Variants in SMARCA4 observed in about 807,000 individuals in gnomAD.
SMARCA4 encodes the protein SWI/SNF-related matrix-associated actin-dependent regulator of chromatin subfamily A member 4.
In SMARCA4, 31 loss-of-function variants were observed where a neutral mutation model predicts 193.9. The observed-to-expected ratio is 0.16, with a 90% CI of 0.12 to 0.22. The LOEUF (loss-of-function observed/expected upper bound fraction) is 0.22. Ranked by LOEUF, SMARCA4 falls within the 10% of genes least tolerant of loss-of-function variation. The pLI is 1.00. For missense variants in SMARCA4, 1,148 were observed against 2,296.0 expected (o/e 0.50, Z 10.22); for synonymous variants, 942 against 933.1 (o/e 1.01, Z -0.17).
At chr19:11,043,220 C>T (rs2075720097) in intron 30 of SMARCA4, among the ~76,000 whole-genome samples, 1 of 151,662 alleles carries the variant, frequency 6.6e-6, no homozygotes, top group Non-Finnish European at 1.5e-5. Flanking sequence ...AGCTGGGAGG[C>T]GGAGGTTGCA....
At chr19:11,002,800 A>T (rs1250410086) in intron 11 of SMARCA4, among the ~76,000 whole-genome samples, 1 of 67,086 alleles carries the variant, frequency 1.5e-5, no homozygotes, top group East Asian at 3.5e-4. Flanking sequence ...ACTCCGTCTC[A>T]AAAAAAAAAA....
At chr19:10,992,322 G>C (rs2086630279) in intron 8 of SMARCA4, among the ~76,000 whole-genome samples, 1 of 150,726 alleles carries the variant, frequency 6.6e-6, no homozygotes, top group Non-Finnish European at 1.5e-5. Context: ...TCACCATGTT[G>C]GTCAGGCTGG....
chr19:11,034,074 G>A lies in SMARCA4; in HGVS notation c.3874-49G>A, dbSNP rs768614953. On this transcript the variant is annotated intron_variant, in intron 27 of 34. Transcript: ENST00000344626. This position sits in a 1 kb window ranked among gnomAD's most constrained non-coding sequence, Gnocchi z 7.0. Reference sequence around the variant, plus strand: ...CCGCTCGCCTCTGAGCTCGGCCGCCGCCCACCCCGGCCCCTCCTCAGCGGC... The same window carrying A: ...CCGCTCGCCTCTGAGCTCGGCCGCCACCCACCCCGGCCCCTCCTCAGCGGC... 62 of 1,484,950 alleles carry A rather than the reference G, an allele frequency of 4.2e-5. No individual in the cohort carries two copies. Among genetic ancestry groups the A allele is most frequent in the African/African-American group, 8.3e-5 (6 of 72,298 alleles). The allele number at this position is 1,484,950 out of a possible 1,614,324, so 92.0% of individuals were successfully genotyped here.
At position 10,987,647 on chromosome 19, in the gene SMARCA4, G is replaced by GT. The variant is rs768447526; in HGVS notation, c.860-19_860-18insT. 74 of 1,612,760 alleles carry GT rather than the reference G, an allele frequency of 4.6e-5. No individual in the cohort carries two copies. Among genetic ancestry groups the GT allele is most frequent in the Non-Finnish European group, 5.8e-5 (69 of 1,179,714 alleles). On this transcript the variant is annotated intron_variant, in intron 5 of 34. Transcript: ENST00000344626. This position sits in a 1 kb window ranked among gnomAD's most constrained non-coding sequence, Gnocchi z 5.3. ...CCCCAGAGCTCAACATGACGCCCTG[G>GT]CCCCTTGCCTTCTCCCAGGACCCAT...
In SMARCA4 at chr19:10,977,250, C is replaced by T. The variant is rs988451915; in HGVS notation, c.-31-6871C>T. On this transcript the variant is annotated intron_variant, in intron 1 of 34. Coordinates refer to ENST00000344626, the MANE Select transcript of SMARCA4 (RefSeq NM_003072.5). ...GGGAAGCCAGTCTGTTGTTCCTGAG[C>T]ATTGCGGGGCAGGAGTGTTACCTGC... Among the ~76,000 whole-genome samples the T allele has an allele frequency of 7.4e-4, 113 of 152,250 alleles. 2 individuals are homozygous for T. The highest frequency in any genetic ancestry group is 2.6e-3 in the African/African-American group (109 of 41,558).
intron 6 of SMARCA4, 115 bp from the exon 7 acceptor site, chr19:10,989,202 C>G (rs1377782719): frequency 7.6e-7 from 1 of 1,312,960 alleles, no homozygotes; most frequent in Non-Finnish European, 1.1e-6. Context: ...TGAGGCATCT[C>G]TTGCCTCATG....
rs771156293 is a variant in SMARCA4 at position 10,996,245 on chromosome 19, C to T, written c.1626C>T (p.Ile542=). Residue 542 remains isoleucine (I), a synonymous_variant, in exon 10 of 35, where the codon ATC becomes ATT. Coordinates refer to ENST00000344626, the MANE Select transcript of SMARCA4 (RefSeq NM_003072.5). ...ATGAGGAGGGGTACCGCAAGCTCAT[C>T]GACCAGAAGAAGGACAAGCGCCTGG... ...AEDEEGYRKL[I]DQKKDKRLAY... is the part of the protein sequence containing the mutation. 1.7e-5 allele frequency: 28 copies of T among 1,614,210 alleles called. No homozygotes were observed. The highest frequency in any genetic ancestry group is 2.1e-5 in the Non-Finnish European group (25 of 1,180,036).
rs561034617 is a variant in SMARCA4 at position 11,059,839 on chromosome 19, G to C, written c.4722G>C (p.Glu1574Asp). The C allele has an allele frequency of 1.2e-6, 2 of 1,613,950 alleles. No homozygotes were observed. The highest frequency in any genetic ancestry group is 3.3e-5 in the Admixed American group (2 of 60,010). Residue 1574 changes from glutamate to aspartate, a missense_variant, in exon 33 of 35, where the codon GAG becomes GAC. Physicochemically the swap from Glu to Asp is conservative, Grantham distance 45. Around this residue, in one of 17 missense-constraint regions of SMARCA4, gnomAD observed 105 missense variants for 133.7 expected, o/e 0.79. Transcript: ENST00000344626. ...IEKEDDSEGE[E>D]SEEEEEGEEE... ...AGGAGGATGACAGTGAAGGCGAGGA[G>C]AGTGAGGAGGAGGAAGAGGGCGAGG...
intron 8 of SMARCA4, 114 bp from the exon 9 acceptor site, chr19:10,994,714 C>T: frequency 1.1e-6 from 1 of 894,724 alleles, no homozygotes; most frequent in Non-Finnish European, 1.8e-6. Context: ...CCTCCTCTGC[C>T]TCCCAAAGCG....
Position 10,987,994 on chromosome 19 carries a change from A to C in SMARCA4, c.1118+70A>C, listed in dbSNP as rs2086217919. On this transcript the variant is annotated intron_variant, in intron 6 of 34. Transcript: ENST00000344626. The surrounding 1 kb of genome is among the most constrained non-coding windows in gnomAD (Gnocchi z 5.3). ...CATGTCCCCCTGGGGAAGCCACTCAACTTTCTCCCCCACTCTAGCAAACAG... is the reference window on the plus strand; with the variant it reads ...CATGTCCCCCTGGGGAAGCCACTCACCTTTCTCCCCCACTCTAGCAAACAG... 7.2e-6 allele frequency: 11 copies of C among 1,526,898 alleles called. No individual in the cohort carries two copies. The highest frequency in any genetic ancestry group is 9.0e-6 in the Non-Finnish European group (10 of 1,112,348). 94.6% of individuals were successfully genotyped at this position (1,526,898 alleles called of 1,614,324 possible). A position where few individuals can be genotyped will look rare whatever the true frequency, so the allele number is the denominator to read the frequency against.
intron 16 of SMARCA4, chr19:11,018,391 TG>T: frequency 4.1e-6 from 1 of 244,748 alleles, no homozygotes; most frequent in South Asian, 5.5e-5. Context: ...ATTCCAGCCC[TG>T]GTCATCCCAC....
intron 30 of SMARCA4, among the ~76,000 whole-genome samples, chr19:11,044,352 T>C (rs1484990337): frequency 6.6e-6 from 1 of 152,144 alleles, no homozygotes; most frequent in Admixed American, 6.6e-5. Flanking sequence ...TCACAAACAA[T>C]TGAGAAATTA....
At chr19:11,040,713 T>G (rs2075556679) in intron 29 of SMARCA4, 1 of 152,064 alleles carries the variant, frequency 6.6e-6, no homozygotes, top group Non-Finnish European at 1.5e-5. Context: ...GACCAGGAGT[T>G]CAAGACCAGC....
At chr19:11,045,188 T>C (rs532659687) in intron 30 of SMARCA4, among the ~76,000 whole-genome samples, 50 of 151,888 alleles carry the variant, frequency 3.3e-4, no homozygotes, top group Admixed American at 1.7e-3. Context: ...GGTGTGGTGG[T>C]GGGCGCCTGT....
At chr19:11,027,210 G>A (rs891044871) in intron 23 of SMARCA4, among the ~76,000 whole-genome samples, 1 of 152,084 alleles carries the variant, frequency 6.6e-6, no homozygotes, top group Admixed American at 6.5e-5. Flanking sequence ...TTTTTATACT[G>A]AGTTGTGGAA....
chr19:11,013,847 C>T (rs940493171), intron 16 of SMARCA4, among the ~76,000 whole-genome samples: 12 of 152,152 alleles, frequency 7.9e-5, no homozygotes, highest in Non-Finnish European at 1.3e-4. Flanking sequence ...GGGATCCGGA[C>T]ACCCTGAGAG....
In SMARCA4 at chr19:11,030,782, C is replaced by G. The variant is rs138764713; in HGVS notation, c.3435C>G (p.Pro1145=). 1.2e-6 allele frequency: 2 copies of G among 1,610,304 alleles called. No individual in the cohort carries two copies. The highest frequency in any genetic ancestry group is 1.7e-6 in the Non-Finnish European group (2 of 1,178,522). The part of the protein sequence containing the change: ...RGMLLKTFNE[P]GSEYFIFLLS... ...TGCTGCTGAAAACCTTCAACGAGCCCGGCTCTGAGTACTTCATCTTCCTGC... is the reference window on the plus strand; with the variant it reads ...TGCTGCTGAAAACCTTCAACGAGCCGGGCTCTGAGTACTTCATCTTCCTGC... Residue 1145 remains proline (P), a synonymous_variant, in exon 25 of 35, where the codon CCC becomes CCG. Transcript: ENST00000344626. The surrounding 1 kb of genome is among the most constrained non-coding windows in gnomAD (Gnocchi z 5.5).
intron 8 of SMARCA4, among the ~76,000 whole-genome samples, chr19:10,992,354 T>G (rs1276196447): frequency 1.9e-4 from 29 of 151,740 alleles, no homozygotes; most frequent in Non-Finnish European, 5.9e-5. Flanking sequence ...TGACCTCAAG[T>G]GATCTGTCCG....
intron 1 of SMARCA4, among the ~76,000 whole-genome samples, chr19:10,978,656 G>A (rs879869872): frequency 1.3e-5 from 2 of 151,566 alleles, no homozygotes; most frequent in Non-Finnish European, 2.9e-5. Flanking sequence ...AGTGGATACC[G>A]GCCACATATG....
Sources: gnomAD v4.1 joint callset for allele counts (sites outside exome capture counted in the v4.1 genomes callset) on GRCh38, gnomAD v4.1.1 for gene constraint, gnomAD v4.1.1 regional missense constraint, Gnocchi (gnomAD v3.1) non-coding constraint, MANE v1.5 for transcripts, NCBI Gene and HGNC (gene_info 2026-07-23, HGNC 2026-07-21) for gene names.